POLA1: variants seen among roughly 807,000 people sequenced by gnomAD.
POLA1 encodes the protein DNA polymerase alpha catalytic subunit.
A neutral mutation model predicts 124.0 loss-of-function variants in POLA1; 15 were observed. The ratio of observed to expected loss-of-function variants is 0.12; its 90% CI spans 0.08 to 0.19. The LOEUF is 0.19. POLA1 is among the 10% of genes least tolerant of loss of function. The pLI, the probability that POLA1 is intolerant of heterozygous loss-of-function variation, is 1.00. For missense variants in POLA1, 886 were observed against 1,103.4 expected, an observed-to-expected ratio of 0.80 and a Z score of 2.79; for synonymous variants, 408 against 389.4, an observed-to-expected ratio of 1.05 and a Z score of -0.56.
chrX:24,732,263 CAT>C, intron 15 of POLA1, 105 bp from the exon 16 acceptor site: 2 of 550,588 alleles, frequency 3.6e-6, no homozygotes, highest in Non-Finnish European at 6.1e-6. Flanking sequence ...CCAAACTTTT[CAT>C]ATGTGTTTAA....
At chrX:24,838,684 G>A (rs2046372528) in intron 32 of POLA1, among the ~76,000 whole-genome samples, 2 of 111,935 alleles carry the variant, frequency 1.8e-5, no homozygotes, top group East Asian at 5.6e-4. Flanking sequence ...TGCATGTAGG[G>A]CAAGTGCAGT....
At chrX:24,963,979 A>G (rs772702561) in intron 36 of POLA1, among the ~76,000 whole-genome samples, 1 of 111,551 alleles carries the variant, frequency 9.0e-6, no homozygotes, top group East Asian at 2.8e-4. Flanking sequence ...GTTTTTCCCT[A>G]GGTGCTAATT....
intron 20 of POLA1, among the ~76,000 whole-genome samples, chrX:24,740,398 T>G (rs1931558926): frequency 9.0e-6 from 1 of 111,260 alleles, no homozygotes; most frequent in Admixed American, 9.6e-5. Flanking sequence ...GCTGCTATCC[T>G]CTTTCCCCTG....
chrX:24,758,804 C>T (rs1400967454), intron 26 of POLA1, among the ~76,000 whole-genome samples: 8 of 112,158 alleles, frequency 7.1e-5, no homozygotes, highest in East Asian at 2.8e-4. Flanking sequence ...CTCAGCCTCC[C>T]GAGTAGCTGG....
intron 34 of POLA1, among the ~76,000 whole-genome samples, chrX:24,877,742 T>G (rs757008072): frequency 4.5e-5 from 5 of 111,737 alleles, no homozygotes; most frequent in Admixed American, 9.5e-5. Flanking sequence ...AATGTTAAAA[T>G]CTACCTTGCA....
In POLA1 at chrX:24,733,791, C is replaced by T. The variant is rs1931087218; in HGVS notation, c.1808C>T (p.Ala603Val). ...SKPKDCIFPY[A>V]FKEVIEKKNV... Reference sequence around the variant, plus strand: ...CCAAAGGACTGTATTTTTCCATATGCTTTCAAAGAAGTCATTGAGAAAAAG... The same window carrying T: ...CCAAAGGACTGTATTTTTCCATATGTTTTCAAAGAAGTCATTGAGAAAAAG... The change falls in exon 17 of 37, where the codon GCT (alanine) becomes GTT (valine). Residue 603 changes from alanine to valine, a missense_variant. Coordinates refer to ENST00000379068, the MANE Select transcript of POLA1 (RefSeq NM_001330360.2). 8.8e-7 allele frequency: 1 copy of T among 1,137,581 alleles called. No homozygotes were observed. The highest frequency in any genetic ancestry group is 1.2e-6 in the Non-Finnish European group (1 of 836,129). The allele number at this position is 1,137,581 out of a possible 1,213,427, so 93.7% of individuals were successfully genotyped here. A position where few individuals can be genotyped will look rare whatever the true frequency, so the allele number is the denominator to read the frequency against.
intron 36 of POLA1, among the ~76,000 whole-genome samples, chrX:24,940,621 C>T (rs1601891625): frequency 8.9e-6 from 1 of 111,887 alleles, no homozygotes; most frequent in East Asian, 2.8e-4. Flanking sequence ...ATTTCCTCCC[C>T]AAAATTAGTG....
intron 10 of POLA1, among the ~76,000 whole-genome samples, chrX:24,719,789 C>T (rs1379267876): frequency 2.7e-5 from 3 of 111,820 alleles, no homozygotes; most frequent in Non-Finnish European, 5.6e-5. Flanking sequence ...CCCTCCTTTT[C>T]CTCACTTTCC....
chrX:24,871,514 C>A (rs1316638990), intron 34 of POLA1, among the ~76,000 whole-genome samples: 2 of 111,997 alleles, frequency 1.8e-5, no homozygotes, highest in Non-Finnish European at 3.8e-5. Flanking sequence ...AGAGGAAATA[C>A]TTTCAGTGCT....
chrX:24,772,052 G>A (rs1425616922), intron 26 of POLA1, among the ~76,000 whole-genome samples: 4 of 111,780 alleles, frequency 3.6e-5, no homozygotes, highest in African/African-American at 1.3e-4. Flanking sequence ...CTATCTGGCT[G>A]TTTAAATTGA....
rs1216566797 is a variant in POLA1, at chrX:24,826,534, C to T, written c.3669C>T (p.His1223=). The change falls in exon 32 of 37, where the codon CAC becomes CAT. Residue 1223 remains histidine (H), a synonymous_variant. Coordinates refer to ENST00000379068, the MANE Select transcript of POLA1 (RefSeq NM_001330360.2). ...DTQYYLAQQI[H]PVVARICEPI... ...AGTACTACCTGGCCCAGCAGATCCACCCAGTCGTGGCTCGGATCTGTGAAC... is the reference window on the plus strand; with the variant it reads ...AGTACTACCTGGCCCAGCAGATCCATCCAGTCGTGGCTCGGATCTGTGAAC... 5.8e-6 allele frequency: 7 copies of T among 1,204,434 alleles called. No individual in the cohort carries two copies. The highest frequency in any genetic ancestry group is 6.7e-6 in the Non-Finnish European group (6 of 891,171).
intron 32 of POLA1, among the ~76,000 whole-genome samples, chrX:24,833,705 A>G (rs1054273987): frequency 8.9e-6 from 1 of 112,322 alleles, no homozygotes; most frequent in Non-Finnish European, 1.9e-5. Flanking sequence ...GTGTTATAAG[A>G]CAAGCAATCT....
Position 24,717,291 on chromosome X carries a change from C to T in POLA1, c.708C>T (p.Gly236=), listed in dbSNP as rs777745902. The part of the protein sequence containing the change: ...PVPLKRAEFA[G]DDVQVESTEE... ...AAGAATGTGTGATGATGCCTACAGG[C>T]GATGATGTACAGGTCGAGAGTACAG... is the stretch of plus-strand genomic sequence containing the variant. The change falls in exon 9 of 37, where the codon GGC becomes GGT. Residue 236 remains glycine, a splice_region_variant and synonymous_variant. Coordinates refer to ENST00000379068, the MANE Select transcript of POLA1 (RefSeq NM_001330360.2). The T allele has an allele frequency of 6.7e-5, 81 of 1,203,262 alleles. No individual in the cohort carries two copies. Among genetic ancestry groups the T allele is most frequent in the Non-Finnish European group, 8.0e-5 (71 of 889,594 alleles).
intron 35 of POLA1, among the ~76,000 whole-genome samples, chrX:24,914,766 A>G (rs747593134): frequency 9.0e-6 from 1 of 111,538 alleles, no homozygotes; most frequent in East Asian, 2.8e-4. Flanking sequence ...CCATTCTTTT[A>G]TTTATCCAGC....
Position 24,727,082 on chromosome X carries a change from A to G in POLA1, c.1531+11A>G, listed in dbSNP as rs766473136. 1.0e-4 allele frequency: 119 copies of G among 1,176,609 alleles called. No individual in the cohort carries two copies. The highest frequency in any genetic ancestry group is 1.3e-4 in the Non-Finnish European group (114 of 871,976). ...AAGTAAAAAGTCCACGTAAGGAAAA[A>G]TACATGCTCAGAATGCTGAATAGAT... On this transcript the variant is annotated intron_variant, in intron 14 of 36. Coordinates refer to ENST00000379068, the MANE Select transcript of POLA1 (RefSeq NM_001330360.2).
rs1424391301 is a variant in POLA1 at position 24,790,872 on chromosome X, A to G, written c.2965-19026A>G. On this transcript the variant is annotated intron_variant, in intron 26 of 36. Coordinates refer to ENST00000379068, the MANE Select transcript of POLA1 (RefSeq NM_001330360.2). ...GTATATGAATATGTGCACTCATTTT[A>G]CGTGTATATACAGCCCCCACTCATT... 3.0e-5 allele frequency among the ~76,000 whole-genome samples: 3 copies of G among 100,920 alleles called. No homozygotes were observed. In the East Asian group the frequency reaches 9.3e-4, roughly 31 times the overall value. The allele number at this position is 100,920 out of a possible 115,157, so 87.6% of individuals were successfully genotyped here. A position where few individuals can be genotyped will look rare whatever the true frequency, so the allele number is the denominator to read the frequency against.
chrX:24,933,160 A>G (rs942398809), intron 36 of POLA1, among the ~76,000 whole-genome samples: 3 of 112,011 alleles, frequency 2.7e-5, no homozygotes, highest in Admixed American at 1.9e-4. Flanking sequence ...TGGGCACTCT[A>G]AAGACATAGT....
chrX:24,707,851 G>A (rs1047938253), intron 4 of POLA1, among the ~76,000 whole-genome samples: 6 of 111,313 alleles, frequency 5.4e-5, no homozygotes, highest in African/African-American at 1.6e-4. Flanking sequence ...AAAATTAGTC[G>A]GGCGTGGTGG....
At chrX:24,920,787 G>A (rs372099030) in intron 35 of POLA1, among the ~76,000 whole-genome samples, 1 of 111,985 alleles carries the variant, frequency 8.9e-6, no homozygotes, top group African/African-American at 3.2e-5. Flanking sequence ...AAACTAGAAA[G>A]TGTCAAATTG....
Sources: gnomAD v4.1 joint callset for allele counts (sites outside exome capture counted in the v4.1 genomes callset) on GRCh38, gnomAD v4.1.1 for gene constraint, MANE v1.5 for transcripts, NCBI Gene and HGNC (gene_info 2026-07-23, HGNC 2026-07-21) for gene names.